HAO1: variants seen among roughly 807,000 people sequenced by gnomAD.
HAO1 encodes hydroxyacid oxidase 1.
Under a neutral mutation model 39.7 loss-of-function variants are expected in HAO1, and 34 were observed. The ratio of observed to expected loss-of-function variants is 0.86; its 90% CI spans 0.65 to 1.14. The LOEUF is 1.14. Ranked by LOEUF, HAO1 falls within the 50% of genes most tolerant of loss-of-function variation. The probability of loss-of-function intolerance (pLI) is 0.00; values close to 1 mark genes in which losing one functional copy is unlikely to be tolerated. For missense variants in HAO1, 479 were observed against 464.5 expected (o/e 1.03, Z -0.29); for synonymous variants, 172 against 173.2 (o/e 0.99, Z 0.05).
intron 5 of HAO1, among the ~76,000 whole-genome samples, chr20:7,886,354 A>G (rs1284815190): frequency 6.6e-6 from 1 of 151,990 alleles, no homozygotes; most frequent in Non-Finnish European, 1.5e-5. Flanking sequence ...TTGTATTTTT[A>G]GTAGAGACGG....
At chr20:7,894,874 G>C (rs2050189597) in intron 5 of HAO1, among the ~76,000 whole-genome samples, 1 of 152,076 alleles carries the variant, frequency 6.6e-6, no homozygotes, top group African/African-American at 2.4e-5. Context: ...AATAATCCTT[G>C]CCCACAAATG....
intron 2 of HAO1, among the ~76,000 whole-genome samples, chr20:7,927,361 A>C (rs1276953735): frequency 1.3e-5 from 2 of 152,158 alleles, no homozygotes; most frequent in Non-Finnish European, 2.9e-5. Flanking sequence ...TTCTTTAAAG[A>C]ATATAAAGAA....
intron 4 of HAO1, among the ~76,000 whole-genome samples, chr20:7,903,975 A>G (rs1231479002): frequency 6.6e-6 from 1 of 152,136 alleles, no homozygotes; most frequent in East Asian, 1.9e-4. Context: ...AACATGTGAT[A>G]GTAAATCTAA....
chr20:7,924,215 T>TTGTTGTTGTTGG, intron 2 of HAO1, among the ~76,000 whole-genome samples: 1 of 151,342 alleles, frequency 6.6e-6, no homozygotes, highest in African/African-American at 2.4e-5. Flanking sequence ...GTTGTTGTTG[T>TTGTTGTTGTTGG]TGTTGTTGTT....
At position 7,934,642 on chromosome 20, in the gene HAO1, T is replaced by A; in HGVS notation, c.138-7A>T. 1.9e-6 allele frequency: 3 copies of A among 1,556,230 alleles called. No individual in the cohort carries two copies. Among genetic ancestry groups the A allele is most frequent in the Non-Finnish European group, 2.6e-6 (3 of 1,150,774 alleles). ...CCTTGGATACAGCTTCCATCTAGAA[T>A]TAAAAAATAAAATAAAATAAAAGGC... On this transcript the variant is annotated splice_polypyrimidine_tract_variant and splice_region_variant and intron_variant, in intron 1 of 7. Transcript: ENST00000378789.
chr20:7,911,771 CT>C (rs1337572464), intron 3 of HAO1, among the ~76,000 whole-genome samples: 1 of 152,230 alleles, frequency 6.6e-6, no homozygotes. Context: ...TCTGGATTTC[CT>C]GCCTCCCTTG....
At chr20:7,936,914 C>T (rs1267308587) in intron 1 of HAO1, among the ~76,000 whole-genome samples, 1 of 152,122 alleles carries the variant, frequency 6.6e-6, no homozygotes, top group Non-Finnish European at 1.5e-5. Context: ...AACCCCACTC[C>T]AAATTTAAGT....
chr20:7,936,887 C>G (rs191788399), intron 1 of HAO1, among the ~76,000 whole-genome samples: 3 of 152,192 alleles, frequency 2.0e-5, no homozygotes, highest in Admixed American at 6.5e-5. Context: ...AGCTCACTAG[C>G]TTTCCAAGCC....
At chr20:7,890,807 C>T (rs1276693600) in intron 5 of HAO1, among the ~76,000 whole-genome samples, 1 of 152,134 alleles carries the variant, frequency 6.6e-6, no homozygotes, top group African/African-American at 2.4e-5. Context: ...GTTTGGTTTT[C>T]CATTCCTGAG....
intron 5 of HAO1, among the ~76,000 whole-genome samples, chr20:7,890,178 G>A (rs1469696078): frequency 6.6e-6 from 1 of 151,788 alleles, no homozygotes; most frequent in African/African-American, 2.4e-5. Flanking sequence ...TCATGTATAC[G>A]ACATGCAAAG....
At chr20:7,915,840 T>A (rs1169009099) in intron 2 of HAO1, among the ~76,000 whole-genome samples, 2 of 152,218 alleles carry the variant, frequency 1.3e-5, no homozygotes, top group Non-Finnish European at 2.9e-5. Flanking sequence ...TATTGGTAGA[T>A]GAATCTAAAC....
intron 3 of HAO1, among the ~76,000 whole-genome samples, chr20:7,908,960 A>AGTCT (rs2050262562): frequency 6.6e-6 from 1 of 152,166 alleles, no homozygotes; most frequent in Non-Finnish European, 1.5e-5. Flanking sequence ...GAAAAAGTCC[A>AGTCT]GTCTGTCTAT....
At chr20:7,907,710 T>G (rs2050254947) in intron 3 of HAO1, among the ~76,000 whole-genome samples, 1 of 152,200 alleles carries the variant, frequency 6.6e-6, no homozygotes, top group Non-Finnish European at 1.5e-5. Flanking sequence ...TGGCTTCCCC[T>G]GTGCCTGAGG....
intron 3 of HAO1, among the ~76,000 whole-genome samples, chr20:7,910,682 T>C (rs1461778454): frequency 1.3e-5 from 2 of 152,062 alleles, no homozygotes; most frequent in Non-Finnish European, 2.9e-5. Flanking sequence ...ACAGGAAAAA[T>C]CTTCCCATCT....
intron 5 of HAO1, among the ~76,000 whole-genome samples, chr20:7,886,668 T>A (rs1180552125): frequency 1.3e-5 from 2 of 152,224 alleles, no homozygotes; most frequent in East Asian, 1.9e-4. Flanking sequence ...AACATTTTTC[T>A]TGTTTTTAAG....
At chr20:7,885,443 A>G in intron 7 of HAO1, 78 bp downstream of exon 7, 1 of 927,144 alleles carries the variant, frequency 1.1e-6, no homozygotes, top group Non-Finnish European at 1.8e-6. Flanking sequence ...TTCCCTTTCA[A>G]ATTCACTTCT....
chr20:7,895,083 G>A, intron 5 of HAO1, 50 bp downstream of exon 5: 1 of 1,110,874 alleles, frequency 9.0e-7, no homozygotes. Context: ...GTAACACAGT[G>A]ATGGAAATGG....
intron 5 of HAO1, among the ~76,000 whole-genome samples, chr20:7,893,805 G>A (rs1263842247): frequency 2.6e-5 from 4 of 152,088 alleles, no homozygotes; most frequent in African/African-American, 7.2e-5. Context: ...CAATCTCCCA[G>A]TACAGCTGGC....
intron 7 of HAO1, among the ~76,000 whole-genome samples, chr20:7,885,022 A>G (rs959272290): frequency 1.3e-5 from 2 of 151,776 alleles, no homozygotes; most frequent in Non-Finnish European, 2.9e-5. Flanking sequence ...TCGAGCCCCT[A>G]TGAGTAAGAA....
Sources: allele counts gnomAD v4.1 joint callset (sites outside exome capture counted in the v4.1 genomes callset), GRCh38; gene constraint gnomAD v4.1.1; transcripts MANE v1.5; gene names NCBI Gene and HGNC (gene_info 2026-07-23, HGNC 2026-07-21).